Variants in CACNA1C observed in about 807,000 individuals in gnomAD.
The protein encoded by CACNA1C is voltage-dependent L-type calcium channel subunit alpha-1C.
A neutral mutation model predicts 229.0 loss-of-function variants in CACNA1C; 30 were observed. That is an observed-to-expected ratio of 0.13 (90% CI 0.10 to 0.18). The LOEUF (loss-of-function observed/expected upper bound fraction) is 0.18, where lower values mean the gene tolerates loss of function less well. Ranked by LOEUF, CACNA1C falls within the 10% of genes least tolerant of loss-of-function variation. CACNA1C has a pLI of 1.00. For missense variants in CACNA1C, 1,658 were observed against 2,845.0 expected, an observed-to-expected ratio of 0.58 and a Z score of 9.49; for synonymous variants, 1,114 against 1,132.5, an observed-to-expected ratio of 0.98 and a Z score of 0.33.
intron 1 of CACNA1C, among the ~76,000 whole-genome samples, chr12:2,099,135 A>C (rs1261387431): frequency 6.6e-6 from 1 of 152,250 alleles, no homozygotes; most frequent in East Asian, 1.9e-4. Context: ...AGCCCTGCTC[A>C]TGCTTCATGG....
chr12:2,062,211 A>G (rs1338767103), intron 1 of CACNA1C, among the ~76,000 whole-genome samples: 1 of 152,270 alleles, frequency 6.6e-6, no homozygotes. Context: ...AAAATAGAGC[A>G]AGAGTAATAG....
At chr12:2,050,570 C>T (rs2051968035), upstream of CACNA1C, among the ~76,000 whole-genome samples, 1 of 152,122 alleles carries the variant, frequency 6.6e-6, no homozygotes, top group African/African-American at 2.4e-5. Context: ...AAACACAGGC[C>T]TATAATGCAT....
chr12:2,107,920 G>T (rs2079846479), intron 1 of CACNA1C, among the ~76,000 whole-genome samples: 1 of 152,210 alleles, frequency 6.6e-6, no homozygotes, highest in Non-Finnish European at 1.5e-5. Flanking sequence ...AGCACAACCT[G>T]TGTTGCCCAG....
intron 9 of CACNA1C, among the ~76,000 whole-genome samples, chr12:2,537,459 TTTG>T (rs2099858489): frequency 6.6e-6 from 1 of 152,140 alleles, no homozygotes; most frequent in Non-Finnish European, 1.5e-5. Flanking sequence ...GAGACTGAGC[TTTG>T]TTGTTAATAT....
chr12:1,978,799 C>G (rs1271713629), intron 1 of CACNA1C, among the ~76,000 whole-genome samples: 1 of 152,172 alleles, frequency 6.6e-6, no homozygotes, highest in Non-Finnish European at 1.5e-5. Context: ...AGTATATCCT[C>G]TTTTGTAGAT....
At chr12:2,079,076 C>G (rs1312850123) in intron 1 of CACNA1C, among the ~76,000 whole-genome samples, 1 of 133,188 alleles carries the variant, frequency 7.5e-6, no homozygotes, top group African/African-American at 2.9e-5. Flanking sequence ...GGGAATTGAA[C>G]AATGAGAACA....
chr12:2,550,385 C>T (rs1244332392), intron 10 of CACNA1C, among the ~76,000 whole-genome samples: 1 of 152,132 alleles, frequency 6.6e-6, no homozygotes, highest in African/African-American at 2.4e-5. Context: ...GTCCCTTTCG[C>T]CCCTCTTCAA....
chr12:2,310,352 A>AAAAATAT (rs201363709), intron 3 of CACNA1C, among the ~76,000 whole-genome samples: 770 of 139,808 alleles, frequency 5.5e-3, no homozygotes, highest in Middle Eastern at 0.014. Flanking sequence ...TAAAAAAAAA[A>AAAAATAT]ATATATATAT....
At chr12:2,092,186 G>T (rs527840141) in intron 1 of CACNA1C, among the ~76,000 whole-genome samples, 1 of 152,180 alleles carries the variant, frequency 6.6e-6, no homozygotes, top group Non-Finnish European at 1.5e-5. Context: ...AATGAAGGGC[G>T]CGAAGGCACT....
At chr12:2,431,238 T>C (rs1355035902) in intron 3 of CACNA1C, among the ~76,000 whole-genome samples, 1 of 152,168 alleles carries the variant, frequency 6.6e-6, no homozygotes, top group Non-Finnish European at 1.5e-5. Flanking sequence ...AGGCTGCATT[T>C]TTAACCAGTA....
chr12:2,447,341 G>A (rs908861640), intron 3 of CACNA1C, among the ~76,000 whole-genome samples: 5 of 152,132 alleles, frequency 3.3e-5, no homozygotes, highest in African/African-American at 9.7e-5. Context: ...AGGGAAGGAC[G>A]AATCTGCCTC....
intron 7 of CACNA1C, among the ~76,000 whole-genome samples, chr12:2,495,254 C>T (rs1598044172): frequency 1.3e-5 from 2 of 152,340 alleles, no homozygotes; most frequent in Admixed American, 1.3e-4. Flanking sequence ...CCTAGCTGGT[C>T]CTTCTTCCTG....
chr12:2,436,987 C>T (rs1371547298), intron 3 of CACNA1C, among the ~76,000 whole-genome samples: 1 of 152,240 alleles, frequency 6.6e-6, no homozygotes, highest in Non-Finnish European at 1.5e-5. Flanking sequence ...CACATATAGA[C>T]ATGGATGTTT....
At chr12:2,627,326 G>A (rs2087319115) in intron 29 of CACNA1C, among the ~76,000 whole-genome samples, 2 of 152,120 alleles carry the variant, frequency 1.3e-5, no homozygotes, top group East Asian at 1.9e-4. Flanking sequence ...GCATCCTGGT[G>A]TAATACAATT....
chr12:2,486,983 C>T lies in CACNA1C; in HGVS notation c.916+721C>T, dbSNP rs746153420. ...TTAACAGCAATGCTGGCTCATTAGG[C>T]GCTTCCCTGCGTGGCACTGGAGTTT... is the stretch of plus-strand genomic sequence containing the variant. On this transcript the variant is annotated intron_variant, in intron 6 of 46. Transcript: ENST00000399655. This position sits in a 1 kb window ranked among gnomAD's most constrained non-coding sequence, Gnocchi z 4.9. Among the ~76,000 whole-genome samples, 10 of 152,196 alleles carry T rather than the reference C, an allele frequency of 6.6e-5. No individual in the cohort carries two copies. The highest frequency in any genetic ancestry group is 1.3e-4 in the Admixed American group (2 of 15,280).
chr12:2,315,915 C>G (rs538087931), intron 3 of CACNA1C, among the ~76,000 whole-genome samples: 1 of 152,300 alleles, frequency 6.6e-6, no homozygotes, highest in African/African-American at 2.4e-5. Flanking sequence ...GTCACTGAAG[C>G]TTGGGAACAT....
intron 3 of CACNA1C, among the ~76,000 whole-genome samples, chr12:2,302,484 A>C (rs111342986): frequency 0.025 from 3,850 of 151,950 alleles, 162 homozygotes; most frequent in African/African-American, 0.089. Context: ...GGCACCAATT[A>C]TTGGAAGTTC....
rs142823056 is a variant in CACNA1C at position 2,169,432 on chromosome 12, G to C, written c.477+49002G>C. Among the ~76,000 whole-genome samples the C allele has an allele frequency of 4.0e-3, 603 of 152,308 alleles. 4 individuals are homozygous for C. The highest frequency in any genetic ancestry group is 7.5e-3 in the Non-Finnish European group (510 of 68,026). ...TTGGCCTGAGGATATTCACCAGCATGATTGAGAAAACATGCTTGTCCTCAG... is the reference window on the plus strand; with the variant it reads ...TTGGCCTGAGGATATTCACCAGCATCATTGAGAAAACATGCTTGTCCTCAG... On this transcript the variant is annotated intron_variant, in intron 3 of 46. Transcript: ENST00000399655.
intron 3 of CACNA1C, among the ~76,000 whole-genome samples, chr12:2,237,576 G>A (rs1235049344): frequency 6.6e-6 from 1 of 152,160 alleles, no homozygotes; most frequent in African/African-American, 2.4e-5. Context: ...TGAGTCTCTG[G>A]GAAGACCCTA....
Sources: allele counts gnomAD v4.1 joint callset (sites outside exome capture counted in the v4.1 genomes callset), GRCh38; gene constraint gnomAD v4.1.1; non-coding constraint Gnocchi (gnomAD v3.1); transcripts MANE v1.5; gene names NCBI Gene and HGNC (gene_info 2026-07-23, HGNC 2026-07-21).